Variants in SGCD observed in about 807,000 individuals in gnomAD.
SGCD encodes delta-sarcoglycan.
A neutral mutation model predicts 36.6 loss-of-function variants in SGCD; 18 were observed. The ratio of observed to expected loss-of-function variants is 0.49; its 90% CI spans 0.34 to 0.73. SGCD has a LOEUF of 0.73. SGCD is among the 30% of genes least tolerant of loss of function. The probability of loss-of-function intolerance (pLI) is 0.01; values close to 1 mark genes in which losing one functional copy is unlikely to be tolerated. For missense variants in SGCD, 387 were observed against 346.7 expected (o/e 1.12, Z -0.92); for synonymous variants, 133 against 130.6 (o/e 1.02, Z -0.12).
At chr5:155,923,999 C>T (rs1386845857) in intron 1 of SGCD, among the ~76,000 whole-genome samples, 3 of 152,178 alleles carry the variant, frequency 2.0e-5, no homozygotes, top group African/African-American at 7.2e-5. Context: ...GGGTGTTTTT[C>T]AGTGTCTCAC....
intron 3 of SGCD, among the ~76,000 whole-genome samples, chr5:156,299,657 T>C (rs1304381986): frequency 1.3e-5 from 2 of 152,158 alleles, no homozygotes; most frequent in African/African-American, 2.4e-5. Context: ...TTCACTTTTT[T>C]GGTTCAGCTT....
chr5:155,761,574 T>C, the SGCD span, among the ~76,000 whole-genome samples: 1 of 131,268 alleles, frequency 7.6e-6, no homozygotes, highest in Admixed American at 7.6e-5. Flanking sequence ...CATCAACTTC[T>C]CCGTCATCCT....
At chr5:156,068,097 T>C (rs115570144) in intron 1 of SGCD, among the ~76,000 whole-genome samples, 2,387 of 150,248 alleles carry the variant, frequency 0.016, 39 homozygotes, top group South Asian at 0.037. Context: ...TAGAATTTTA[T>C]ATTTTTATTT....
At chr5:156,672,737 A>G (rs545143074) in intron 7 of SGCD, among the ~76,000 whole-genome samples, 30 of 152,214 alleles carry the variant, frequency 2.0e-4, no homozygotes, top group African/African-American at 6.5e-4. Context: ...GTGTTTCAGG[A>G]AAGAGCAGAG....
intron 3 of SGCD, among the ~76,000 whole-genome samples, chr5:156,422,079 G>A (rs1773335012): frequency 6.6e-6 from 1 of 152,048 alleles, no homozygotes; most frequent in Non-Finnish European, 1.5e-5. Flanking sequence ...CCAGTAGCCA[G>A]GGTTGATAGT....
chr5:156,446,642 T>C (rs1212423810), intron 3 of SGCD, among the ~76,000 whole-genome samples: 2 of 152,150 alleles, frequency 1.3e-5, no homozygotes, highest in Admixed American at 6.6e-5. Context: ...AAGGGACAGA[T>C]GGCCAAAGTT....
chr5:155,836,771 T>C, the SGCD span, among the ~76,000 whole-genome samples: 1 of 152,196 alleles, frequency 6.6e-6, no homozygotes, highest in Non-Finnish European at 1.5e-5. Flanking sequence ...CCTTCTAGCA[T>C]AGAAAAACAA....
At chr5:156,142,091 G>A (rs1201930234) in intron 3 of SGCD, among the ~76,000 whole-genome samples, 1 of 152,132 alleles carries the variant, frequency 6.6e-6, no homozygotes, top group Non-Finnish European at 1.5e-5. Context: ...CCTTGGTATT[G>A]TTATCATGAT....
intron 1 of SGCD, among the ~76,000 whole-genome samples, chr5:156,024,750 G>C (rs1759188320): frequency 6.6e-6 from 1 of 152,116 alleles, no homozygotes; most frequent in Admixed American, 6.5e-5. Context: ...CTGAGTTTAG[G>C]AGTTCGCAAC....
the SGCD span, among the ~76,000 whole-genome samples, chr5:155,797,836 G>A: frequency 6.6e-6 from 1 of 152,148 alleles, no homozygotes; most frequent in Non-Finnish European, 1.5e-5. Flanking sequence ...CTTTGCAAGT[G>A]GAAATATTTG....
At chr5:156,058,074 T>G (rs13358507) in intron 1 of SGCD, among the ~76,000 whole-genome samples, 2,937 of 146,150 alleles carry the variant, frequency 0.02, 254 homozygotes, top group African/African-American at 0.068. Flanking sequence ...TTAATGTTGC[T>G]AACATTATAA....
intron 1 of SGCD, among the ~76,000 whole-genome samples, chr5:156,062,539 A>C (rs1760242587): frequency 8.8e-6 from 1 of 113,670 alleles, no homozygotes; most frequent in East Asian, 2.3e-4. Context: ...ACTAGTTTAC[A>C]GTCCCACCAA....
chr5:156,182,200 A>G (rs575954012), intron 3 of SGCD, among the ~76,000 whole-genome samples: 36 of 152,242 alleles, frequency 2.4e-4, no homozygotes, highest in Non-Finnish European at 4.3e-4. Flanking sequence ...CATGAAGAAA[A>G]AAACAAATCT....
intron 3 of SGCD, among the ~76,000 whole-genome samples, chr5:156,305,325 T>C (rs1581231823): frequency 6.6e-6 from 1 of 152,120 alleles, no homozygotes; most frequent in Non-Finnish European, 1.5e-5. Context: ...TCCCAGTCAC[T>C]CCAGCCATGG....
intron 1 of SGCD, among the ~76,000 whole-genome samples, chr5:156,060,600 A>G (rs1189435279): frequency 1.4e-5 from 2 of 145,524 alleles, no homozygotes; most frequent in Non-Finnish European, 3.1e-5. Context: ...AAATTTATGT[A>G]CCTTCATCAA....
intron 1 of SGCD, among the ~76,000 whole-genome samples, chr5:156,101,389 C>A (rs1170090215): frequency 6.6e-6 from 1 of 152,154 alleles, no homozygotes; most frequent in Non-Finnish European, 1.5e-5. Flanking sequence ...GGTTCCTTAC[C>A]TCACTGGTAT....
At chr5:156,172,779 G>A (rs1314123229) in intron 3 of SGCD, among the ~76,000 whole-genome samples, 1 of 151,762 alleles carries the variant, frequency 6.6e-6, no homozygotes, top group East Asian at 1.9e-4. Context: ...GTAAGCACTT[G>A]TAAGAGAATT....
At chr5:156,283,113 A>G (rs919296996) in intron 3 of SGCD, among the ~76,000 whole-genome samples, 1 of 152,150 alleles carries the variant, frequency 6.6e-6, no homozygotes, top group Non-Finnish European at 1.5e-5. Context: ...AGAGAACTTC[A>G]TATATAATAG....
chr5:155,799,754 C>T, the SGCD span, among the ~76,000 whole-genome samples: 4 of 151,212 alleles, frequency 2.6e-5, no homozygotes, highest in Non-Finnish European at 4.4e-5. Context: ...CTTCCATACC[C>T]ACAATGTAAC....
Sources: allele counts gnomAD v4.1 joint callset (sites outside exome capture counted in the v4.1 genomes callset), GRCh38; gene constraint gnomAD v4.1.1; transcripts MANE v1.5; gene names NCBI Gene and HGNC (gene_info 2026-07-23, HGNC 2026-07-21).